RAB27A: variants seen among roughly 807,000 people sequenced by gnomAD.
RAB27A encodes RAB27A, member RAS oncogene family.
Under a neutral mutation model 20.8 loss-of-function variants are expected in RAB27A, and 17 were observed. That is an observed-to-expected ratio of 0.82 (90% CI 0.56 to 1.23). The LOEUF (loss-of-function observed/expected upper bound fraction) is 1.23. RAB27A is among the 50% of genes most tolerant of loss of function. The pLI is 0.00. For missense variants in RAB27A, 277 were observed against 266.7 expected, an observed-to-expected ratio of 1.04 and a Z score of -0.27; for synonymous variants, 85 against 92.8, an observed-to-expected ratio of 0.92 and a Z score of 0.48.
intron 1 of RAB27A, among the ~76,000 whole-genome samples, chr15:55,274,797 TATATA>T (rs1897809724): frequency 2.4e-5 from 2 of 83,740 alleles, no homozygotes; most frequent in Non-Finnish European, 4.8e-5. Flanking sequence ...AAATAAATTA[TATATA>T]TATATATATA....
chr15:55,212,148 T>A (rs1895059353), intron 6 of RAB27A, among the ~76,000 whole-genome samples: 1 of 152,138 alleles, frequency 6.6e-6, no homozygotes, highest in Admixed American at 6.6e-5. Flanking sequence ...CATACATGAT[T>A]CACTAAATAT....
chr15:55,318,714 AAAAACAAAAAC>A (rs1437086515), intron 1 of RAB27A: 3 of 105,900 alleles, frequency 2.8e-5, no homozygotes, highest in East Asian at 9.2e-4. Flanking sequence ...AAAAAAAAAC[AAAAACAAAAAC>A]AAAAAAAAAA....
intron 5 of RAB27A, among the ~76,000 whole-genome samples, chr15:55,227,582 A>G (rs1354332867): frequency 6.6e-6 from 1 of 152,230 alleles, no homozygotes; most frequent in Non-Finnish European, 1.5e-5. Context: ...AAGGCCATTA[A>G]AAAGGAAAGC....
chr15:55,251,959 T>C (rs1896905229), intron 2 of RAB27A, among the ~76,000 whole-genome samples: 1 of 152,142 alleles, frequency 6.6e-6, no homozygotes, highest in Non-Finnish European at 1.5e-5. Context: ...TAGCACTCCC[T>C]ACCTGGCTTC....
chr15:55,252,133 C>T (rs562739175), intron 2 of RAB27A, among the ~76,000 whole-genome samples: 2 of 152,130 alleles, frequency 1.3e-5, no homozygotes. Flanking sequence ...TGGAGGTCAG[C>T]ATTCCAAGAA....
intron 1 of RAB27A, among the ~76,000 whole-genome samples, chr15:55,275,360 C>G (rs972897377): frequency 5.9e-5 from 9 of 152,076 alleles, no homozygotes; most frequent in Non-Finnish European, 8.8e-5. Flanking sequence ...GGCATGGTGG[C>G]TCACACCTAT....
At chr15:55,262,686 G>A (rs1897319972) in intron 2 of RAB27A, among the ~76,000 whole-genome samples, 1 of 148,922 alleles carries the variant, frequency 6.7e-6, no homozygotes, top group African/African-American at 2.5e-5. Context: ...AGGCTGGAGT[G>A]CAATGGCACA....
At chr15:55,276,223 C>A (rs1897870406) in intron 1 of RAB27A, among the ~76,000 whole-genome samples, 1 of 152,050 alleles carries the variant, frequency 6.6e-6, no homozygotes. Context: ...TCAATGTCCA[C>A]TGACAATGAA....
intron 1 of RAB27A, among the ~76,000 whole-genome samples, chr15:55,279,465 G>A (rs1028007600): frequency 6.6e-6 from 1 of 152,200 alleles, no homozygotes; most frequent in African/African-American, 2.4e-5. Flanking sequence ...GGGCTTTCTG[G>A]TTATACACAA....
intron 1 of RAB27A, among the ~76,000 whole-genome samples, chr15:55,277,360 T>C (rs1897903436): frequency 6.6e-6 from 1 of 152,138 alleles, no homozygotes; most frequent in Admixed American, 6.5e-5. Context: ...TTGGTAAATT[T>C]GGCAGGGCAC....
chr15:55,285,589 C>T (rs1898129836), intron 1 of RAB27A, among the ~76,000 whole-genome samples: 1 of 152,166 alleles, frequency 6.6e-6, no homozygotes, highest in African/African-American at 2.4e-5. Context: ...TAAACTCAAA[C>T]TTCCTGACCA....
chr15:55,239,581 T>C (rs1896400809), intron 2 of RAB27A, among the ~76,000 whole-genome samples: 1 of 152,052 alleles, frequency 6.6e-6, no homozygotes, highest in Admixed American at 6.6e-5. Context: ...CAGGGAAATA[T>C]GTGATGAGTG....
intron 2 of RAB27A, among the ~76,000 whole-genome samples, chr15:55,268,356 T>C (rs532073525): frequency 1.3e-5 from 2 of 152,342 alleles, no homozygotes; most frequent in Admixed American, 1.3e-4. Flanking sequence ...GCCTTGGCAC[T>C]AATACAAATT....
chr15:55,224,649 A>G (rs897826844), intron 5 of RAB27A, among the ~76,000 whole-genome samples: 8 of 152,222 alleles, frequency 5.3e-5, no homozygotes, highest in African/African-American at 1.9e-4. Context: ...ATTTCACCTG[A>G]AAACCTGCAA....
At chr15:55,297,785 T>C (rs2054955624) in intron 2 of RAB27A, among the ~76,000 whole-genome samples, 1 of 152,228 alleles carries the variant, frequency 6.6e-6, no homozygotes, top group South Asian at 2.1e-4. Flanking sequence ...TAGGAATCCA[T>C]GAATCATGCT....
intron 3 of RAB27A, among the ~76,000 whole-genome samples, chr15:55,232,607 AG>A (rs1201949290): frequency 1.3e-5 from 2 of 152,184 alleles, no homozygotes; most frequent in Non-Finnish European, 2.9e-5. Context: ...CTAAAATTAA[AG>A]GATAAATTAA....
At position 55,220,248 on chromosome 15, in the gene RAB27A, T is replaced by C. The variant is rs542289739; in HGVS notation, c.467+3641A>G. ...ACCAATGATCTGGGGTTTTTTTGTT[T>C]GTTTGTTTGTTTTTGTTTGTTTGTT... On this transcript the variant is annotated intron_variant, in intron 6 of 6. Coordinates refer to ENST00000336787, the MANE Select transcript of RAB27A (RefSeq NM_183235.3). 3.4e-3 allele frequency among the ~76,000 whole-genome samples: 506 copies of C among 148,424 alleles called. 3 individuals are homozygous for C. The highest frequency in any genetic ancestry group is 0.012 in the African/African-American group (464 of 39,790).
chr15:55,251,876 C>T (rs1164768610), intron 2 of RAB27A, among the ~76,000 whole-genome samples: 2 of 152,040 alleles, frequency 1.3e-5, no homozygotes. Context: ...CATGAAAGTA[C>T]CCTTGCTTGA....
At chr15:55,295,710 G>A (rs537111754) in intron 2 of RAB27A, among the ~76,000 whole-genome samples, 10 of 152,160 alleles carry the variant, frequency 6.6e-5, no homozygotes, top group Non-Finnish European at 8.8e-5. Flanking sequence ...GAAATGAGGT[G>A]TTGACTGCTT....
Sources: allele counts gnomAD v4.1 joint callset (sites outside exome capture counted in the v4.1 genomes callset), GRCh38; gene constraint gnomAD v4.1.1; transcripts MANE v1.5; gene names NCBI Gene and HGNC (gene_info 2026-07-23, HGNC 2026-07-21).